The following KLHL13 variants were observed in gnomAD, a reference collection of about 807,000 sequenced individuals.
KLHL13 encodes the protein kelch like family member 13, also known as kelch-like protein 13.
A neutral mutation model predicts 37.1 loss-of-function variants in KLHL13; 10 were observed. That is an observed-to-expected ratio of 0.27 (90% confidence interval 0.17 to 0.46). The LOEUF is 0.46. KLHL13 is among the 20% of genes least tolerant of loss of function. The pLI is 1.00. For synonymous variants in KLHL13, 163 were observed against 181.2 expected, an observed-to-expected ratio of 0.90 and a Z score of 0.81; for missense variants, 360 against 509.3, an observed-to-expected ratio of 0.71 and a Z score of 2.82.
intron 1 of KLHL13, among the ~76,000 whole-genome samples, chrX:118,021,809 C>T (rs2054218814): frequency 9.0e-6 from 1 of 111,581 alleles, no homozygotes; most frequent in Non-Finnish European, 1.9e-5. Context: ...TGAGGAATCG[C>T]CACACTGTCT....
chrX:118,071,721 C>A lies in KLHL13; in HGVS notation c.-56+44787G>T, dbSNP rs1321824800. The stretch of plus-strand genomic sequence containing the variant: ...AAGAGCCAAATCATGAGTGAACTCC[C>A]ATTCACAATTGCTTCAAAGAGAATA... On this transcript the variant is annotated intron_variant, in intron 1 of 6. Transcript: ENST00000371882. Among the ~76,000 whole-genome samples, 8 of 107,073 alleles carry A rather than the reference C, an allele frequency of 7.5e-5. No individual in the cohort carries two copies. In the East Asian group the frequency reaches 1.2e-3, roughly 16 times the overall value. 93.0% of individuals were successfully genotyped at this position (107,073 alleles called of 115,157 possible).
intron 2 of KLHL13, among the ~76,000 whole-genome samples, chrX:117,939,437 A>G (rs1353800528): frequency 1.8e-5 from 2 of 112,174 alleles, no homozygotes; most frequent in African/African-American, 6.5e-5. Context: ...TGATTTATAA[A>G]TCCTTTGGGT....
intron 1 of KLHL13, among the ~76,000 whole-genome samples, chrX:117,951,712 T>C (rs749318671): frequency 5.6e-4 from 63 of 112,280 alleles, no homozygotes; most frequent in African/African-American, 2.0e-3. Flanking sequence ...AATAGAACAG[T>C]ATTAATAAAT....
intron 1 of KLHL13, among the ~76,000 whole-genome samples, chrX:117,997,633 C>T (rs1333729007): frequency 8.9e-6 from 1 of 111,862 alleles, no homozygotes; most frequent in African/African-American, 3.2e-5. Context: ...GTGCCACAAA[C>T]ATTTAATAAA....
intron 2 of KLHL13, among the ~76,000 whole-genome samples, chrX:117,931,014 C>T (rs1189556621): frequency 2.7e-5 from 3 of 111,681 alleles, no homozygotes; most frequent in Admixed American, 1.9e-4. Flanking sequence ...ATGACATTAT[C>T]AGCAACCCAA....
chrX:117,950,558 C>G (rs1196626198), intron 1 of KLHL13, among the ~76,000 whole-genome samples: 1 of 111,799 alleles, frequency 8.9e-6, no homozygotes, highest in Non-Finnish European at 1.9e-5. Context: ...ATAATATTAC[C>G]TTAACTAAAG....
chrX:118,089,451 T>C (rs1485535149), intron 1 of KLHL13, among the ~76,000 whole-genome samples: 1 of 108,786 alleles, frequency 9.2e-6, no homozygotes, highest in Non-Finnish European at 1.9e-5. Context: ...TTAGGAAACC[T>C]GGCTGTCTAG....
chrX:117,984,863 T>G (rs956506740), intron 1 of KLHL13, among the ~76,000 whole-genome samples: 2 of 110,450 alleles, frequency 1.8e-5, no homozygotes, highest in Admixed American at 2.0e-4. Flanking sequence ...TCTTTGTGCA[T>G]TTAAAAAAAT....
chrX:117,948,368 C>G (rs756720947), intron 1 of KLHL13, among the ~76,000 whole-genome samples: 1 of 112,158 alleles, frequency 8.9e-6, no homozygotes, highest in South Asian at 3.7e-4. Context: ...CAGAATATCT[C>G]TGCTCTCCAC....
chrX:118,008,200 A>C, intron 1 of KLHL13, among the ~76,000 whole-genome samples: 1 of 111,955 alleles, frequency 8.9e-6, no homozygotes, highest in Non-Finnish European at 1.9e-5. Flanking sequence ...TCTAACGCTC[A>C]CCTTGTAACT....
chrX:118,005,061 T>A (rs1048249086), intron 1 of KLHL13, among the ~76,000 whole-genome samples: 1 of 111,928 alleles, frequency 8.9e-6, no homozygotes, highest in Non-Finnish European at 1.9e-5. Context: ...TGCATAATTC[T>A]GAAGTTGAGC....
chrX:118,092,908 T>C (rs5910291), intron 1 of KLHL13, among the ~76,000 whole-genome samples: 19,257 of 111,352 alleles, frequency 0.17, 1,511 homozygotes, highest in South Asian at 0.32. Flanking sequence ...TTCATGTGAA[T>C]CTGTAATTAT....
Position 117,901,810 on chromosome X carries a change from G to A in KLHL13, c.1480+23C>T, listed in dbSNP as rs760355546. ...TAGTTAAAAGCTTATATATTATATTGTGTTCACATGATACTTGTTTACCTG... is the reference window on the plus strand; with the variant it reads ...TAGTTAAAAGCTTATATATTATATTATGTTCACATGATACTTGTTTACCTG... On this transcript the variant is annotated intron_variant, in intron 6 of 6. Coordinates refer to ENST00000262820, the Ensembl canonical transcript of KLHL13. 9.3e-6 allele frequency: 7 copies of A among 749,272 alleles called. No homozygotes were observed. The African/African-American group carries it at 1.3e-4, about 14-fold the overall frequency. 61.7% of individuals were successfully genotyped at this position (749,272 alleles called of 1,213,427 possible). A position where few individuals can be genotyped will look rare whatever the true frequency, so the allele number is the denominator to read the frequency against.
exon 5 of KLHL13, chrX:117,910,035 A>G (rs2147644648): frequency 8.3e-7 from 1 of 1,202,918 alleles, no homozygotes; most frequent in East Asian, 3.0e-5. Flanking sequence ...GTATTTATCC[A>G]CTTCGGTTAG....
intron 1 of KLHL13, among the ~76,000 whole-genome samples, chrX:118,104,152 G>A (rs1266996867): frequency 9.2e-6 from 1 of 108,977 alleles, no homozygotes. Flanking sequence ...AGCCCCAGAG[G>A]TCAAGGCTAC....
intron 1 of KLHL13, among the ~76,000 whole-genome samples, chrX:118,109,097 T>C (rs150971356): frequency 0.015 from 1,623 of 111,781 alleles, 32 homozygotes; most frequent in African/African-American, 0.05. Flanking sequence ...ATAACAGGAG[T>C]GAGCCACTGC....
chrX:118,074,542 G>C (rs1188371083), intron 1 of KLHL13, among the ~76,000 whole-genome samples: 2 of 111,715 alleles, frequency 1.8e-5, no homozygotes, highest in Admixed American at 9.6e-5. Flanking sequence ...GAGCAAGATA[G>C]GGTAAATACC....
intron 1 of KLHL13, among the ~76,000 whole-genome samples, chrX:118,032,796 C>T (rs970458485): frequency 6.3e-5 from 7 of 111,636 alleles, no homozygotes; most frequent in Admixed American, 5.7e-4. Flanking sequence ...TTACTCCGAG[C>T]TAAGGGAGGA....
chrX:117,983,330 C>T, intron 1 of KLHL13: 1 of 346,868 alleles, frequency 2.9e-6, no homozygotes, highest in Non-Finnish European at 5.0e-6. Context: ...GCATGATTTA[C>T]ATACTTTTTT....
Sources: allele counts gnomAD v4.1 joint callset (sites outside exome capture counted in the v4.1 genomes callset), GRCh38; gene constraint gnomAD v4.1.1; transcripts MANE v1.5; gene names NCBI Gene and HGNC (gene_info 2026-07-23, HGNC 2026-07-21).